WNT2B: variants seen among roughly 807,000 people sequenced by gnomAD.
WNT2B encodes the protein protein Wnt-2b.
A neutral mutation model predicts 40.5 loss-of-function variants in WNT2B; 19 were observed. The ratio of observed to expected loss-of-function variants is 0.47; its 90% CI spans 0.33 to 0.69. WNT2B has a LOEUF of 0.69. WNT2B is among the 30% of genes least tolerant of loss of function. The pLI is 0.02. For synonymous variants in WNT2B, 220 were observed against 211.9 expected (o/e 1.04, Z -0.33); for missense variants, 467 against 556.4 (o/e 0.84, Z 1.62).
In WNT2B at chr1:112,526,394, T is replaced by C. The variant is rs557397598; in HGVS notation, c.*5885T>C. The C allele has an allele frequency of 1.2e-5, 4 of 322,710 alleles. No homozygotes were observed. In the South Asian group the frequency reaches 2.3e-4, roughly 19 times the overall value. 20.0% of individuals were successfully genotyped at this position (322,710 alleles called of 1,614,324 possible). A position where few individuals can be genotyped will look rare whatever the true frequency, so the allele number is the denominator to read the frequency against. ...CTAGTCCTTTTGAAATTATGCTAAA[T>C]GTATAGACACAGTAGAAGTAGTCAT... On this transcript the variant is annotated 3_prime_UTR_variant, in exon 5 of 5. Transcript: ENST00000369684.
At chr1:112,495,177 A>C (rs1651722808) in intron 1 of WNT2B, among the ~76,000 whole-genome samples, 1 of 151,568 alleles carries the variant, frequency 6.6e-6, no homozygotes, top group Non-Finnish European at 1.5e-5. Flanking sequence ...GAATCATATG[A>C]AATGTTTATT....
chr1:112,493,329 A>G (rs575686775), intron 1 of WNT2B, among the ~76,000 whole-genome samples: 3 of 152,338 alleles, frequency 2.0e-5, no homozygotes, highest in African/African-American at 7.2e-5. Flanking sequence ...GAAACTTTCA[A>G]AACTGAAAAG....
intron 1 of WNT2B, among the ~76,000 whole-genome samples, chr1:112,492,474 C>T (rs565000122): frequency 1.3e-5 from 2 of 152,296 alleles, no homozygotes; most frequent in South Asian, 4.2e-4. Context: ...CCAGGGGAAG[C>T]CAGTCATGGG....
intron 1 of WNT2B, among the ~76,000 whole-genome samples, chr1:112,493,604 G>A (rs111906211): frequency 5.8e-4 from 88 of 151,946 alleles, no homozygotes; most frequent in South Asian, 1.2e-3. Flanking sequence ...TCTGGGCAAC[G>A]GAGCAAGACC....
At chr1:112,479,694 G>A (rs1651163292) in intron 1 of WNT2B, among the ~76,000 whole-genome samples, 1 of 152,018 alleles carries the variant, frequency 6.6e-6, no homozygotes, top group South Asian at 2.1e-4. Flanking sequence ...GTAAGCAATT[G>A]AAGTTAAGTT....
At chr1:112,494,758 G>C (rs931938952) in intron 1 of WNT2B, among the ~76,000 whole-genome samples, 33 of 151,616 alleles carry the variant, frequency 2.2e-4, no homozygotes, top group Admixed American at 1.8e-3. Flanking sequence ...AATGTTAAAA[G>C]AAATTCTTTA....
chr1:112,519,014 A>G (rs1327507757), intron 4 of WNT2B, among the ~76,000 whole-genome samples: 1 of 152,170 alleles, frequency 6.6e-6, no homozygotes, highest in African/African-American at 2.4e-5. Flanking sequence ...GTAAAAGACC[A>G]TATGTGACTA....
chr1:112,496,143 C>T (rs918724193), intron 1 of WNT2B, among the ~76,000 whole-genome samples: 8 of 151,996 alleles, frequency 5.3e-5, no homozygotes, highest in African/African-American at 1.9e-4. Flanking sequence ...AGACAGGGTC[C>T]CCCTCTGTCA....
At chr1:112,516,883 G>T (rs1293608947) in intron 3 of WNT2B, among the ~76,000 whole-genome samples, 1 of 152,228 alleles carries the variant, frequency 6.6e-6, no homozygotes, top group African/African-American at 2.4e-5. Flanking sequence ...CTACAGTTCA[G>T]TGGGCTGTCA....
At chr1:112,499,536 A>G (rs1338979517) in intron 1 of WNT2B, among the ~76,000 whole-genome samples, 1 of 152,242 alleles carries the variant, frequency 6.6e-6, no homozygotes, top group Non-Finnish European at 1.5e-5. Context: ...CAGTCTAAAA[A>G]GGAAAAATCA....
chr1:112,529,492 C>T lies in WNT2B; in HGVS notation c.*8983C>T, dbSNP rs1432355253. ...CATGGAATCTGACATAAGCTGATTG[C>T]TCATGCTGGTTGTTTTATTTACATT... On this transcript the variant is annotated 3_prime_UTR_variant, in exon 5 of 5. Coordinates refer to ENST00000369684, the MANE Select transcript of WNT2B (RefSeq NM_024494.3). The T allele has an allele frequency of 6.6e-6, 1 of 152,096 alleles. No individual in the cohort carries two copies. Among genetic ancestry groups the T allele is most frequent in the Admixed American group, 6.6e-5 (1 of 15,266 alleles). The allele number at this position is 152,096 out of a possible 1,614,324, so 9.4% of individuals were successfully genotyped here. A position where few individuals can be genotyped will look rare whatever the true frequency, so the allele number is the denominator to read the frequency against.
At chr1:112,471,530 T>C (rs953632469) in intron 1 of WNT2B, among the ~76,000 whole-genome samples, 10 of 152,210 alleles carry the variant, frequency 6.6e-5, no homozygotes, top group African/African-American at 2.4e-4. Context: ...CTAATGTCTC[T>C]AGTCAGCCAT....
intron 1 of WNT2B, among the ~76,000 whole-genome samples, chr1:112,481,862 A>G (rs991884080): frequency 1.3e-4 from 20 of 151,932 alleles, no homozygotes; most frequent in Non-Finnish European, 2.5e-4. Context: ...ATTTTTTTAA[A>G]TTAGTCGGGC....
At chr1:112,506,914 C>T, upstream of WNT2B, among the ~76,000 whole-genome samples, 1 of 152,230 alleles carries the variant, frequency 6.6e-6, no homozygotes, top group East Asian at 1.9e-4. Flanking sequence ...CCCCCACTTT[C>T]CACCCAAGTG....
chr1:112,502,542 C>T (rs538159901), intron 1 of WNT2B, among the ~76,000 whole-genome samples: 20 of 152,356 alleles, frequency 1.3e-4, no homozygotes, highest in Non-Finnish European at 2.8e-4. Context: ...AAGGAAACCT[C>T]AGAGAAGGGC....
At chr1:112,486,885 T>A (rs1001596145) in intron 1 of WNT2B, among the ~76,000 whole-genome samples, 1 of 152,224 alleles carries the variant, frequency 6.6e-6, no homozygotes, top group African/African-American at 2.4e-5. Flanking sequence ...GTATAAATGA[T>A]ACAACAACTT....
At chr1:112,508,902 T>G, upstream of WNT2B, 1 of 1,055,356 alleles carries the variant, frequency 9.5e-7, no homozygotes, top group Non-Finnish European at 1.1e-6. The surrounding 1 kb of genome is among the most constrained non-coding windows in gnomAD (Gnocchi z 4.2). Context: ...GGGCCGCGCG[T>G]GTCCCCGGCC....
intron 1 of WNT2B, among the ~76,000 whole-genome samples, chr1:112,498,498 G>A (rs1651849531): frequency 6.6e-6 from 1 of 151,566 alleles, no homozygotes; most frequent in Admixed American, 6.6e-5. Context: ...GCCTCCCAAA[G>A]TGCTGGGATT....
In WNT2B at chr1:112,509,339, C is replaced by T; in HGVS notation, c.77C>T (p.Ser26Leu). 1.3e-6 allele frequency: 2 copies of T among 1,590,788 alleles called. No individual in the cohort carries two copies. The highest frequency in any genetic ancestry group is 2.3e-5 in the East Asian group (1 of 43,698). ...RRASAPVPVP[S>L]PAAPDGSRAS... ...GCCAGCGCCCCGGTCCCTGTGCCGT[C>T]GCCCGCGGCCCCCGACGGCTCCCGG... The change falls in exon 1 of 5, where the codon TCG becomes TTG. Residue 26 changes from serine to leucine, a missense_variant. This residue lies in a region of WNT2B where 137 missense variants were observed against 117.7 expected (regional missense o/e 1.16). Transcript: ENST00000369684. The surrounding 1 kb of genome is among the most constrained non-coding windows in gnomAD (Gnocchi z 4.2).
Sources: allele counts gnomAD v4.1 joint callset (sites outside exome capture counted in the v4.1 genomes callset), GRCh38; gene constraint gnomAD v4.1.1; regional missense constraint gnomAD v4.1.1; non-coding constraint Gnocchi (gnomAD v3.1); transcripts MANE v1.5; gene names NCBI Gene and HGNC (gene_info 2026-07-23, HGNC 2026-07-21).